The following MLLT3 variants were observed in gnomAD, a reference collection of about 807,000 sequenced individuals.
The protein encoded by MLLT3 is protein AF-9.
A neutral mutation model predicts 53.2 loss-of-function variants in MLLT3; 4 were observed. The ratio of observed to expected loss-of-function variants is 0.08; its 90% CI spans 0.04 to 0.17. The LOEUF is 0.17. MLLT3 is among the 10% of genes least tolerant of loss of function. The pLI is 1.00. For missense variants in MLLT3, 569 were observed against 684.0 expected (o/e 0.83, Z 1.87); for synonymous variants, 283 against 230.6 (o/e 1.23, Z -2.06).
intron 2 of MLLT3, among the ~76,000 whole-genome samples, chr9:20,525,833 T>C (rs546361838): frequency 3.9e-5 from 6 of 152,358 alleles, no homozygotes; most frequent in African/African-American, 1.4e-4. Context: ...AGACCGATTG[T>C]AGTCTAGGTT....
At chr9:20,530,514 G>A (rs1217551726) in intron 2 of MLLT3, among the ~76,000 whole-genome samples, 1 of 152,186 alleles carries the variant, frequency 6.6e-6, no homozygotes, top group Non-Finnish European at 1.5e-5. Flanking sequence ...ATGACGGAGA[G>A]AGGAATTTAT....
intron 2 of MLLT3, among the ~76,000 whole-genome samples, chr9:20,492,811 T>C (rs1824982805): frequency 6.6e-6 from 1 of 151,992 alleles, no homozygotes; most frequent in African/African-American, 2.4e-5. Flanking sequence ...ATAGAAAATA[T>C]AGCTTATAGA....
chr9:20,365,695 A>G lies in MLLT3; in HGVS notation c.1175T>C (p.Phe392Ser), dbSNP rs1563938129. 1 of 1,614,166 alleles carries G rather than the reference A, an allele frequency of 6.2e-7. No homozygotes were observed. Among genetic ancestry groups the G allele is most frequent in the Non-Finnish European group, 8.5e-7 (1 of 1,180,028 alleles). Residue 392 changes from phenylalanine to serine, a missense_variant, in exon 6 of 11, where the codon TTC becomes TCC. Phe to Ser is a radical substitution (Grantham distance 155). This residue lies in a region of MLLT3 where 437 missense variants were observed against 376.5 expected (regional missense o/e 1.16). Transcript: ENST00000380338. ...ASSSSSSSSS[F>S]TPSQTRQQGP... ...TTGTTGCCTGGTCTGGGATGGTGTG[A>G]AGCTGGAGCTGGAGCTGGAGCTGGA...
intron 4 of MLLT3, among the ~76,000 whole-genome samples, chr9:20,444,917 C>T (rs1172282654): frequency 6.6e-6 from 1 of 150,414 alleles, no homozygotes; most frequent in Non-Finnish European, 1.5e-5. Flanking sequence ...CACAGTAAGA[C>T]CCTGTCTCTA....
At chr9:20,437,605 G>A (rs890076041) in intron 4 of MLLT3, among the ~76,000 whole-genome samples, 2 of 152,028 alleles carry the variant, frequency 1.3e-5, no homozygotes, top group Admixed American at 6.6e-5. Context: ...CAAAGGGGAC[G>A]TAAGAGAAAT....
intron 2 of MLLT3, among the ~76,000 whole-genome samples, chr9:20,474,812 G>A (rs1824481184): frequency 6.6e-6 from 1 of 151,934 alleles, no homozygotes; most frequent in African/African-American, 2.4e-5. Context: ...ACACTCTTTT[G>A]CAAAAAATAT....
At chr9:20,461,702 T>G (rs1824111842) in intron 2 of MLLT3, among the ~76,000 whole-genome samples, 1 of 152,110 alleles carries the variant, frequency 6.6e-6, no homozygotes, top group African/African-American at 2.4e-5. Flanking sequence ...AGGCAACAGT[T>G]TTTTCCCGAA....
At chr9:20,382,383 C>A (rs894928230) in intron 5 of MLLT3, 2 of 151,914 alleles carry the variant, frequency 1.3e-5, no homozygotes, top group Non-Finnish European at 2.9e-5. Context: ...GTTCTCACCT[C>A]TTTCAAAAGA....
intron 3 of MLLT3, among the ~76,000 whole-genome samples, chr9:20,455,464 T>C (rs1485943654): frequency 6.6e-6 from 1 of 152,228 alleles, no homozygotes; most frequent in African/African-American, 2.4e-5. Context: ...CTAGCAAATA[T>C]GCAGATTCCT....
chr9:20,488,013 C>T (rs1388151492), intron 2 of MLLT3, among the ~76,000 whole-genome samples: 5 of 152,018 alleles, frequency 3.3e-5, no homozygotes, highest in Admixed American at 2.6e-4. Context: ...CAAAAGTACA[C>T]AAGGCAGGTA....
At position 20,455,142 on chromosome 9, in the gene MLLT3, A is replaced by T. The variant is rs1024571972; in HGVS notation, c.276+1562T>A. 2.2e-4 allele frequency among the ~76,000 whole-genome samples: 34 copies of T among 152,372 alleles called. 1 individual carries two copies. The East Asian group carries it at 2.5e-3, about 11-fold the overall frequency. ...CTTCAATATGAAAGTATATCACGTC[A>T]ACAGACATAAATACATCTCGACAAA... On this transcript the variant is annotated intron_variant, in intron 3 of 10. Coordinates refer to ENST00000380338, the MANE Select transcript of MLLT3 (RefSeq NM_004529.4).
chr9:20,370,586 C>T (rs547049064), intron 5 of MLLT3, among the ~76,000 whole-genome samples: 1 of 152,154 alleles, frequency 6.6e-6, no homozygotes, highest in Non-Finnish European at 1.5e-5. Context: ...TCTCAGCTCA[C>T]TGCAACCTCT....
chr9:20,388,733 A>G (rs1822106662), intron 5 of MLLT3, among the ~76,000 whole-genome samples: 1 of 152,228 alleles, frequency 6.6e-6, no homozygotes, highest in African/African-American at 2.4e-5. Context: ...GTTTCTCACG[A>G]AAGTTATATG....
chr9:20,392,714 A>T (rs925231413), intron 5 of MLLT3, among the ~76,000 whole-genome samples: 1 of 152,178 alleles, frequency 6.6e-6, no homozygotes, highest in Non-Finnish European at 1.5e-5. Context: ...TGAAATTTGC[A>T]ATAAACATAA....
chr9:20,394,534 T>G (rs1043004930), intron 5 of MLLT3, among the ~76,000 whole-genome samples: 1 of 152,070 alleles, frequency 6.6e-6, no homozygotes, highest in Non-Finnish European at 1.5e-5. Flanking sequence ...ATATTCCCAC[T>G]AGGTAAATTT....
At chr9:20,615,205 G>A (rs1464584185) in intron 2 of MLLT3, among the ~76,000 whole-genome samples, 1 of 151,416 alleles carries the variant, frequency 6.6e-6, no homozygotes, top group African/African-American at 2.4e-5. Flanking sequence ...CACACAAACT[G>A]CCAGGCATGG....
At chr9:20,387,588 T>C (rs1822071237) in intron 5 of MLLT3, among the ~76,000 whole-genome samples, 1 of 152,366 alleles carries the variant, frequency 6.6e-6, no homozygotes, top group South Asian at 2.1e-4. Context: ...TGTTCTGACC[T>C]TGTTGTCCAA....
chr9:20,439,602 G>A (rs1823494527), intron 4 of MLLT3, among the ~76,000 whole-genome samples: 2 of 152,062 alleles, frequency 1.3e-5, no homozygotes, highest in African/African-American at 4.8e-5. Flanking sequence ...GGGGAGTGGG[G>A]GGATGGCGGA....
At chr9:20,427,298 T>C (rs1351630069) in intron 4 of MLLT3, among the ~76,000 whole-genome samples, 3 of 150,554 alleles carry the variant, frequency 2.0e-5, no homozygotes, top group African/African-American at 7.3e-5. Context: ...CAAATACGAC[T>C]TTAAGAAATG....
Sources: gnomAD v4.1 joint callset for allele counts (sites outside exome capture counted in the v4.1 genomes callset) on GRCh38, gnomAD v4.1.1 for gene constraint, gnomAD v4.1.1 regional missense constraint, MANE v1.5 for transcripts, NCBI Gene and HGNC (gene_info 2026-07-23, HGNC 2026-07-21) for gene names.